Variants in SLC39A12 observed in about 807,000 individuals in gnomAD.
SLC39A12 encodes the protein solute carrier family 39 member 12, also known as zinc transporter ZIP12.
A neutral mutation model predicts 71.1 loss-of-function variants in SLC39A12; 63 were observed. The ratio of observed to expected loss-of-function variants is 0.89; its 90% CI spans 0.72 to 1.09. SLC39A12 has a LOEUF of 1.09. SLC39A12 is among the 50% of genes least tolerant of loss of function. SLC39A12 has a pLI of 0.00. For synonymous variants in SLC39A12, 351 were observed against 301.3 expected (o/e 1.16, Z -1.71); for missense variants, 892 against 812.6 (o/e 1.10, Z -1.19).
At chr10:18,033,109 C>T (rs1836897840) in intron 12 of SLC39A12, among the ~76,000 whole-genome samples, 1 of 144,780 alleles carries the variant, frequency 6.9e-6, no homozygotes, top group African/African-American at 2.6e-5. Flanking sequence ...GTCTAAAATT[C>T]TCTTTTTTGG....
chr10:18,000,561 A>G (rs996078324), intron 10 of SLC39A12, 106 bp from the exon 11 acceptor site: 27 of 1,023,368 alleles, frequency 2.6e-5, no homozygotes, highest in Non-Finnish European at 3.7e-5. Flanking sequence ...ATCAGATGGA[A>G]TATAAGAATG....
At chr10:17,974,019 TA>T (rs1835042655) in intron 4 of SLC39A12, among the ~76,000 whole-genome samples, 1 of 151,822 alleles carries the variant, frequency 6.6e-6, no homozygotes, top group Non-Finnish European at 1.5e-5. Context: ...AATTCTTCAG[TA>T]TGCCAGTTGC....
chr10:18,042,718 C>T lies in SLC39A12; in HGVS notation c.1961C>T (p.Thr654Ile). Residue 654 changes from threonine (T) to isoleucine (I), a missense_variant, in exon 13 of 13, where the codon ACT becomes ATT. By Grantham distance (89) the Thr-to-Ile change is moderately conservative. Coordinates refer to ENST00000377369, the MANE Select transcript of SLC39A12 (RefSeq NM_001145195.2). ...LSLVEMLPEM[T>I]HVQTQRPWMM... ...TTCTTTTTTTAGCTTCCTGAAATGA[C>T]TCATGTTCAAACACAACGACCCTGG... The T allele has an allele frequency of 6.2e-7, 1 of 1,605,748 alleles. No individual in the cohort carries two copies. Among genetic ancestry groups the T allele is most frequent in the South Asian group, 1.1e-5 (1 of 89,514 alleles).
chr10:17,957,020 G>GA (rs1490365238), intron 2 of SLC39A12, among the ~76,000 whole-genome samples: 6 of 151,826 alleles, frequency 4.0e-5, no homozygotes, highest in African/African-American at 9.7e-5. Context: ...CTCCGGAAAA[G>GA]AAAAAAACAC....
intron 12 of SLC39A12, among the ~76,000 whole-genome samples, chr10:18,016,298 G>C (rs1396234737): frequency 6.6e-6 from 1 of 152,172 alleles, no homozygotes; most frequent in Non-Finnish European, 1.5e-5. Context: ...ATGATACAGT[G>C]TGCTGCCTTT....
At chr10:18,026,948 A>C (rs918105328) in intron 12 of SLC39A12, among the ~76,000 whole-genome samples, 3 of 151,976 alleles carry the variant, frequency 2.0e-5, no homozygotes, top group African/African-American at 7.3e-5. Context: ...AAGTTCCTTA[A>C]CATATTAATC....
chr10:17,991,123 G>GC (rs775769846), intron 7 of SLC39A12, 28 bp from the exon 8 acceptor site: 2 of 906,438 alleles, frequency 2.2e-6, no homozygotes, highest in East Asian at 2.9e-5. Context: ...CTTTCTCTCT[G>GC]CCTTTTTTTT....
At chr10:17,993,313 T>C in intron 9 of SLC39A12, 22 bp downstream of exon 9, 1 of 1,428,772 alleles carries the variant, frequency 7.0e-7, no homozygotes, top group Non-Finnish European at 9.7e-7. Context: ...ATCTGAAGCA[T>C]TCTACTGATC....
intron 4 of SLC39A12, among the ~76,000 whole-genome samples, chr10:17,974,555 C>A (rs1299432381): frequency 6.6e-6 from 1 of 152,162 alleles, no homozygotes; most frequent in Non-Finnish European, 1.5e-5. Flanking sequence ...TGGACAAGAT[C>A]CTGGAGAATT....
chr10:18,012,074 T>A (rs985290661), intron 12 of SLC39A12, among the ~76,000 whole-genome samples: 16 of 152,160 alleles, frequency 1.1e-4, no homozygotes, highest in African/African-American at 3.6e-4. Flanking sequence ...GAAAAAGACC[T>A]AAATTCAAAA....
intron 6 of SLC39A12, 21 bp downstream of exon 6, chr10:17,981,504 C>A: frequency 6.3e-7 from 1 of 1,589,420 alleles, no homozygotes; most frequent in Non-Finnish European, 8.6e-7. Flanking sequence ...GATCTTCCTT[C>A]AGAAAGCTGA....
intron 4 of SLC39A12, among the ~76,000 whole-genome samples, chr10:17,975,812 G>A (rs1835094057): frequency 6.6e-6 from 1 of 152,166 alleles, no homozygotes; most frequent in Non-Finnish European, 1.5e-5. Context: ...TTTAGCCTGA[G>A]GTGGCAAGGC....
At chr10:17,952,509 A>G (rs1328930786) in intron 1 of SLC39A12, among the ~76,000 whole-genome samples, 7 of 111,610 alleles carry the variant, frequency 6.3e-5, no homozygotes, top group Non-Finnish European at 1.1e-4. Flanking sequence ...TTTTTTTGAG[A>G]TGGAGTCTTG....
intron 6 of SLC39A12, among the ~76,000 whole-genome samples, chr10:17,982,134 T>C (rs564338533): frequency 1.3e-5 from 2 of 152,104 alleles, no homozygotes; most frequent in Non-Finnish European, 2.9e-5. Flanking sequence ...AGGTGACCCA[T>C]GCTGGGAGCT....
intron 12 of SLC39A12, among the ~76,000 whole-genome samples, chr10:18,040,854 C>A (rs1181484177): frequency 6.6e-6 from 1 of 151,360 alleles, no homozygotes; most frequent in Non-Finnish European, 1.5e-5. Flanking sequence ...ATAAAATAAT[C>A]TGAGTCGTTC....
intron 12 of SLC39A12, among the ~76,000 whole-genome samples, chr10:18,036,727 G>A (rs1490116399): frequency 2.3e-5 from 3 of 130,778 alleles, no homozygotes; most frequent in African/African-American, 8.7e-5. Context: ...TTGGCATCTT[G>A]CAGTTAGCAT....
intron 10 of SLC39A12, 25 bp from the exon 11 acceptor site, chr10:18,000,642 C>T (rs1198147960): frequency 6.2e-7 from 1 of 1,612,996 alleles, no homozygotes; most frequent in Non-Finnish European, 8.5e-7. Context: ...GTTAATGCTT[C>T]TTCTGTGTTT....
Position 17,981,414 on chromosome 10 carries a change from C to G in SLC39A12, c.1027C>G (p.Gln343Glu). Residue 343 changes from glutamine to glutamate, a missense_variant, in exon 6 of 13, where the codon CAG (glutamine) becomes GAG (glutamate). Coordinates refer to ENST00000377369, the MANE Select transcript of SLC39A12 (RefSeq NM_001145195.2). ...GCAAATGAGTCCAGGGATCATCCAG[C>G]AGCTCCTCAGCTGCTCCTGCCACTT... The part of the protein sequence containing the change: ...FKQMSPGIIQ[Q>E]LLSCSCHLPK... The G allele has an allele frequency of 6.2e-7, 1 of 1,613,976 alleles. No individual in the cohort carries two copies. Among genetic ancestry groups the G allele is most frequent in the Non-Finnish European group, 8.5e-7 (1 of 1,179,924 alleles).
chr10:18,030,835 C>T (rs1372679041), intron 12 of SLC39A12, among the ~76,000 whole-genome samples: 1 of 125,208 alleles, frequency 8.0e-6, no homozygotes, highest in Non-Finnish European at 1.6e-5. Flanking sequence ...GTGTGATATT[C>T]CCCTTCCTGT....
Sources: allele counts gnomAD v4.1 joint callset (sites outside exome capture counted in the v4.1 genomes callset), GRCh38; gene constraint gnomAD v4.1.1; transcripts MANE v1.5; gene names NCBI Gene and HGNC (gene_info 2026-07-23, HGNC 2026-07-21).